FOXP2: variants seen among roughly 807,000 people sequenced by gnomAD.
FOXP2 encodes forkhead box protein P2.
A neutral mutation model predicts 115.8 loss-of-function variants in FOXP2; 12 were observed. The ratio of observed to expected loss-of-function variants is 0.10; its 90% CI spans 0.07 to 0.17. The LOEUF (loss-of-function observed/expected upper bound fraction) is 0.17, where lower values mean the gene tolerates loss of function less well. Ranked by LOEUF, FOXP2 falls within the 10% of genes least tolerant of loss-of-function variation. FOXP2 has a pLI of 1.00. For missense variants in FOXP2, 629 were observed against 843.5 expected (o/e 0.75, Z 3.15); for synonymous variants, 328 against 297.7 (o/e 1.10, Z -1.05).
chr7:114,291,896 T>TAGATAATATATAGAATATATATTAC (rs1796604974), intron 2 of FOXP2, among the ~76,000 whole-genome samples: 6 of 139,628 alleles, frequency 4.3e-5, no homozygotes, highest in Non-Finnish European at 7.7e-5. Context: ...ATATATATTA[T>TAGATAATATATAGAATATATATTAC]AGATAATATA....
chr7:114,247,542 A>G (rs1022736064), intron 1 of FOXP2, among the ~76,000 whole-genome samples: 12 of 152,008 alleles, frequency 7.9e-5, no homozygotes, highest in Non-Finnish European at 1.2e-4. Context: ...CACAATTTCT[A>G]TTTAGTAGTA....
intron 6 of FOXP2, among the ~76,000 whole-genome samples, chr7:114,637,514 T>G (rs957927308): frequency 6.6e-6 from 1 of 152,172 alleles, no homozygotes; most frequent in Non-Finnish European, 1.5e-5. Flanking sequence ...ACGAGTGTTC[T>G]GGCCAAATTT....
intron 1 of FOXP2, among the ~76,000 whole-genome samples, chr7:114,202,711 A>G (rs1794098228): frequency 6.6e-6 from 1 of 152,212 alleles, no homozygotes; most frequent in Non-Finnish European, 1.5e-5. Context: ...CAAGTTACTT[A>G]ATCTCTAATT....
chr7:114,599,981 A>C (rs1343406508), intron 3 of FOXP2, among the ~76,000 whole-genome samples: 1 of 152,122 alleles, frequency 6.6e-6, no homozygotes, highest in Non-Finnish European at 1.5e-5. Flanking sequence ...GGCATCTTGC[A>C]CTGGTATGGT....
chr7:114,253,105 G>T (rs1380714548), intron 1 of FOXP2, among the ~76,000 whole-genome samples: 1 of 151,982 alleles, frequency 6.6e-6, no homozygotes, highest in African/African-American at 2.4e-5. Flanking sequence ...AGCGGTTTTG[G>T]GTGAGTTTCT....
chr7:114,577,193 G>A (rs1264361953), intron 3 of FOXP2, among the ~76,000 whole-genome samples: 2 of 151,816 alleles, frequency 1.3e-5, no homozygotes, highest in South Asian at 4.1e-4. Flanking sequence ...TAAATAACAG[G>A]ATTTTTAAAA....
At chr7:114,132,167 A>C (rs544791857) in intron 1 of FOXP2, among the ~76,000 whole-genome samples, 1 of 152,232 alleles carries the variant, frequency 6.6e-6, no homozygotes, top group Non-Finnish European at 1.5e-5. Context: ...ATTTTAATAA[A>C]CTAATATCGT....
chr7:114,121,446 G>T (rs73716357), intron 1 of FOXP2, among the ~76,000 whole-genome samples: 1 of 152,068 alleles, frequency 6.6e-6, no homozygotes, highest in Non-Finnish European at 1.5e-5. Flanking sequence ...GATAAATTCA[G>T]TTTTTTACAT....
At chr7:114,165,358 A>G (rs1792952251) in intron 1 of FOXP2, among the ~76,000 whole-genome samples, 4 of 152,238 alleles carry the variant, frequency 2.6e-5, no homozygotes, top group Admixed American at 2.6e-4. Context: ...TGCAAATGCC[A>G]TGATTGTCTG....
At chr7:114,686,138 T>C (rs1189413814) in intron 16 of FOXP2, among the ~76,000 whole-genome samples, 1 of 152,146 alleles carries the variant, frequency 6.6e-6, no homozygotes, top group Non-Finnish European at 1.5e-5. Context: ...AAGTTTTTTT[T>C]ATACTATAGT....
chr7:114,434,860 A>G (rs922763844), intron 2 of FOXP2, among the ~76,000 whole-genome samples: 19 of 152,216 alleles, frequency 1.2e-4, no homozygotes, highest in Non-Finnish European at 2.4e-4. Context: ...TATTGATGAT[A>G]AAATACAAAG....
chr7:114,641,560 T>C (rs191815085), intron 6 of FOXP2, among the ~76,000 whole-genome samples: 1 of 152,072 alleles, frequency 6.6e-6, no homozygotes, highest in Non-Finnish European at 1.5e-5. Flanking sequence ...CTGAGAAATA[T>C]CAAAATGAAC....
chr7:114,366,849 T>C (rs55702527), intron 2 of FOXP2, among the ~76,000 whole-genome samples: 4,909 of 152,246 alleles, frequency 0.032, 219 homozygotes, highest in African/African-American at 0.11. Context: ...ATTAGACTTT[T>C]TTTTTCTAAA....
intron 3 of FOXP2, among the ~76,000 whole-genome samples, chr7:114,607,517 G>A (rs1307471832): frequency 6.6e-6 from 1 of 152,148 alleles, no homozygotes; most frequent in African/African-American, 2.4e-5. Context: ...ATAAAAATGT[G>A]ATAAAATAAG....
Position 114,115,585 on chromosome 7 carries a change from T to C in FOXP2, c.-247+27747T>C, listed in dbSNP as rs1381268002. Among the ~76,000 whole-genome samples, 32 of 152,138 alleles carry C rather than the reference T, an allele frequency of 2.1e-4. 1 individual carries two copies. Among genetic ancestry groups the C allele is most frequent in the Admixed American group, 2.1e-3 (32 of 15,256 alleles). Reference sequence around the variant, plus strand: ...TGGAGCTTTTTCTTTGCCAGGAATATTGGCTGTTGATCTTCCCACTTTTCT... The same window carrying C: ...TGGAGCTTTTTCTTTGCCAGGAATACTGGCTGTTGATCTTCCCACTTTTCT... On this transcript the variant is annotated intron_variant, in intron 1 of 19. Coordinates refer to the FOXP2 transcript ENST00000635638.
intron 2 of FOXP2, among the ~76,000 whole-genome samples, chr7:114,441,725 T>C (rs1015637344): frequency 6.6e-5 from 10 of 152,174 alleles, no homozygotes; most frequent in Admixed American, 3.3e-4. Context: ...AAAGAAGATA[T>C]ATGAATGGGC....
chr7:114,453,400 G>A (rs959311059), intron 2 of FOXP2, among the ~76,000 whole-genome samples: 1 of 151,960 alleles, frequency 6.6e-6, no homozygotes, highest in Non-Finnish European at 1.5e-5. Context: ...TCTCTTCTCT[G>A]ACACATAATC....
intron 3 of FOXP2, among the ~76,000 whole-genome samples, chr7:114,541,249 AG>A (rs1799646326): frequency 6.6e-6 from 1 of 152,092 alleles, no homozygotes; most frequent in South Asian, 2.1e-4. Context: ...ACAACACAGA[AG>A]TGATAGATGA....
Position 114,617,363 on chromosome 7 carries a change from A to G in FOXP2, c.259-11177A>G, listed in dbSNP as rs188070784. On this transcript the variant is annotated intron_variant, in intron 3 of 16. Coordinates refer to ENST00000350908, the MANE Select transcript of FOXP2 (RefSeq NM_014491.4). ...TCTCTCAAATGCTCCCTTCCTCTCT[A>G]TCCCATTCAAGTAATCTAAAAAGTC... Among the ~76,000 whole-genome samples, 11 of 152,238 alleles carry G rather than the reference A, an allele frequency of 7.2e-5. No individual in the cohort carries two copies. In the South Asian group the frequency reaches 1.4e-3, roughly 20 times the overall value.
Sources: allele counts gnomAD v4.1 joint callset (sites outside exome capture counted in the v4.1 genomes callset), GRCh38; gene constraint gnomAD v4.1.1; transcripts MANE v1.5; gene names NCBI Gene and HGNC (gene_info 2026-07-23, HGNC 2026-07-21).